Variants in MACROD2 observed in about 807,000 individuals in gnomAD.
MACROD2 encodes mono-ADP ribosylhydrolase 2.
A neutral mutation model predicts 70.4 loss-of-function variants in MACROD2; 36 were observed. The observed-to-expected ratio is 0.51, with a 90% CI of 0.39 to 0.68. The LOEUF (loss-of-function observed/expected upper bound fraction) is 0.68, where lower values mean the gene tolerates loss of function less well. MACROD2 is among the 30% of genes least tolerant of loss of function. The probability of loss-of-function intolerance (pLI) is 0.00; values close to 1 mark genes in which losing one functional copy is unlikely to be tolerated. For synonymous variants in MACROD2, 172 were observed against 178.8 expected, an observed-to-expected ratio of 0.96 and a Z score of 0.30; for missense variants, 496 against 538.4, an observed-to-expected ratio of 0.92 and a Z score of 0.78.
At chr20:14,748,552 T>G (rs1056805336) in intron 5 of MACROD2, among the ~76,000 whole-genome samples, 7 of 152,066 alleles carry the variant, frequency 4.6e-5, no homozygotes, top group Non-Finnish European at 8.8e-5. Flanking sequence ...ATTAAGAAAC[T>G]TAAGTAGTGC....
intron 8 of MACROD2, among the ~76,000 whole-genome samples, chr20:15,667,170 G>A (rs2049910728): frequency 6.6e-6 from 1 of 152,158 alleles, no homozygotes; most frequent in African/African-American, 2.4e-5. Context: ...CTCATGGCCT[G>A]GTGCTGTTTT....
At chr20:15,085,873 A>AC (rs35503821) in intron 5 of MACROD2, among the ~76,000 whole-genome samples, 105 of 144,380 alleles carry the variant, frequency 7.3e-4, no homozygotes, top group Middle Eastern at 3.5e-3. Context: ...ACACACACAC[A>AC]ACACACACAC....
In MACROD2 at chr20:14,373,718, T is replaced by G. The variant is rs142283854; in HGVS notation, c.272-119761T>G. The stretch of plus-strand genomic sequence containing the variant: ...ATCTTGAAAATAGAAGTTCACAGTT[T>G]CTATGTGAAGTGCTGCATTAATTAT... On this transcript the variant is annotated intron_variant, in intron 3 of 17. Transcript: ENST00000684519. Among the ~76,000 whole-genome samples, 680 of 152,280 alleles carry G rather than the reference T, an allele frequency of 4.5e-3. 3 individuals are homozygous for G. The highest frequency in any genetic ancestry group is 0.015 in the African/African-American group (620 of 41,564).
chr20:15,643,579 T>C (rs2049495391), intron 8 of MACROD2, among the ~76,000 whole-genome samples: 1 of 152,248 alleles, frequency 6.6e-6, no homozygotes, highest in Non-Finnish European at 1.5e-5. Flanking sequence ...TATAGTCTTA[T>C]TCACCTGTGT....
chr20:14,992,359 AAT>A (rs2074912282), intron 5 of MACROD2, among the ~76,000 whole-genome samples: 1 of 152,202 alleles, frequency 6.6e-6, no homozygotes, highest in Non-Finnish European at 1.5e-5. Flanking sequence ...AGCTAGTTAA[AAT>A]GCATGTTGTT....
chr20:14,361,172 C>A lies in MACROD2; in HGVS notation c.272-132307C>A, dbSNP rs578161026. 2.0e-5 allele frequency among the ~76,000 whole-genome samples: 3 copies of A among 152,240 alleles called. No homozygotes were observed. The East Asian group carries it at 5.8e-4, about 29-fold the overall frequency. ...AGGACTGTGTTAAATGTTCTGGGGG[C>A]ACATCTAGGTTTGATGAGAAGGAAT... On this transcript the variant is annotated intron_variant, in intron 3 of 17. Transcript: ENST00000684519.
chr20:15,159,129 C>A (rs1297447853), intron 5 of MACROD2, among the ~76,000 whole-genome samples: 1 of 152,078 alleles, frequency 6.6e-6, no homozygotes, highest in Non-Finnish European at 1.5e-5. Flanking sequence ...TATTACGTTT[C>A]AAACCCTATT....
chr20:15,406,508 C>T lies in MACROD2; in HGVS notation c.541-24897C>T, dbSNP rs570240307. ...AGAGTCCTTGGGGAATGTCTTTTACCGAAGAAATGTTATCTTACAGGGTAA... is the reference window on the plus strand; with the variant it reads ...AGAGTCCTTGGGGAATGTCTTTTACTGAAGAAATGTTATCTTACAGGGTAA... On this transcript the variant is annotated intron_variant, in intron 6 of 17. Transcript: ENST00000684519. Among the ~76,000 whole-genome samples, 51 of 151,976 alleles carry T rather than the reference C, an allele frequency of 3.4e-4. No individual in the cohort carries two copies. In the South Asian group the frequency reaches 8.1e-3, roughly 24 times the overall value.
chr20:14,300,429 C>G (rs572494001), intron 3 of MACROD2, among the ~76,000 whole-genome samples: 29 of 152,272 alleles, frequency 1.9e-4, no homozygotes, highest in African/African-American at 6.7e-4. Flanking sequence ...TCGTTTAGTT[C>G]AGGGTCGCAA....
chr20:15,512,029 T>A (rs2047506871), intron 8 of MACROD2, among the ~76,000 whole-genome samples: 1 of 152,354 alleles, frequency 6.6e-6, no homozygotes, highest in Non-Finnish European at 1.5e-5. Flanking sequence ...CTCCCATTTG[T>A]TCTCTTCAAT....
At chr20:14,576,212 T>G (rs1043038683) in intron 4 of MACROD2, among the ~76,000 whole-genome samples, 2 of 152,322 alleles carry the variant, frequency 1.3e-5, no homozygotes, top group Non-Finnish European at 2.9e-5. Context: ...GAGAGGTTTA[T>G]GCTGCTTGAG....
At chr20:14,376,622 T>C (rs1445285414) in intron 3 of MACROD2, among the ~76,000 whole-genome samples, 2 of 151,918 alleles carry the variant, frequency 1.3e-5, no homozygotes, top group African/African-American at 4.8e-5. Flanking sequence ...TGGTGGCATG[T>C]GCCTATAGTC....
chr20:15,160,275 G>T (rs1221621138), intron 5 of MACROD2, among the ~76,000 whole-genome samples: 1 of 151,948 alleles, frequency 6.6e-6, no homozygotes, highest in East Asian at 1.9e-4. Flanking sequence ...GAAAGAGGAT[G>T]AATGTAAGAG....
intron 3 of MACROD2, among the ~76,000 whole-genome samples, chr20:14,427,637 T>A (rs2083948873): frequency 6.6e-6 from 1 of 152,106 alleles, no homozygotes; most frequent in Non-Finnish European, 1.5e-5. Context: ...CAAATTGTCC[T>A]GTCATGTAGT....
intron 6 of MACROD2, among the ~76,000 whole-genome samples, chr20:15,329,603 AAAGT>A (rs1245159072): frequency 2.0e-5 from 3 of 152,106 alleles, no homozygotes; most frequent in African/African-American, 2.4e-5. Context: ...CATAAAAATA[AAAGT>A]AATATCAAAA....
At chr20:16,020,363 A>G (rs557346097) in intron 15 of MACROD2, among the ~76,000 whole-genome samples, 4 of 151,926 alleles carry the variant, frequency 2.6e-5, no homozygotes, top group Non-Finnish European at 5.9e-5. Context: ...AGCCGGATGT[A>G]ACTTTGTCTG....
chr20:15,396,620 A>G (rs1200072720), intron 6 of MACROD2, among the ~76,000 whole-genome samples: 1 of 152,246 alleles, frequency 6.6e-6, no homozygotes, highest in African/African-American at 2.4e-5. Context: ...GACTGCTGGA[A>G]GTAAAATGCT....
chr20:14,587,279 G>T (rs1981446509), intron 4 of MACROD2, among the ~76,000 whole-genome samples: 2 of 151,382 alleles, frequency 1.3e-5, no homozygotes, highest in African/African-American at 4.8e-5. Flanking sequence ...TAGCTACTTT[G>T]AATTCTTTTT....
chr20:14,012,889 C>T (rs967711310), intron 2 of MACROD2, among the ~76,000 whole-genome samples: 2 of 152,192 alleles, frequency 1.3e-5, no homozygotes, highest in Admixed American at 6.5e-5. Flanking sequence ...TACAGTAGTA[C>T]AGTATGTACT....
Sources: allele counts gnomAD v4.1 joint callset (sites outside exome capture counted in the v4.1 genomes callset), GRCh38; gene constraint gnomAD v4.1.1; transcripts MANE v1.5; gene names NCBI Gene and HGNC (gene_info 2026-07-23, HGNC 2026-07-21).